STS: variants seen among roughly 807,000 people sequenced by gnomAD.
STS encodes steryl-sulfatase.
STS carries 7 observed loss-of-function variants against 26.8 expected under a neutral mutation model. The ratio of observed to expected loss-of-function variants is 0.26; its 90% CI spans 0.15 to 0.49. The LOEUF is 0.49. STS is among the 20% of genes least tolerant of loss of function. The pLI, the probability that STS is intolerant of heterozygous loss-of-function variation, is 0.98. For missense variants in STS, 434 were observed against 465.6 expected, an observed-to-expected ratio of 0.93 and a Z score of 0.63; for synonymous variants, 199 against 189.4, an observed-to-expected ratio of 1.05 and a Z score of -0.42.
chrX:7,346,920 A>T (rs997408509), intron 10 of STS, among the ~76,000 whole-genome samples: 6 of 109,076 alleles, frequency 5.5e-5, no homozygotes, highest in African/African-American at 2.0e-4. Context: ...AATTTAAAAT[A>T]TAGCTGGGCC....
chrX:7,203,750 C>T (rs1262645095), intron 2 of STS, among the ~76,000 whole-genome samples: 5 of 110,145 alleles, frequency 4.5e-5, no homozygotes, highest in Middle Eastern at 4.3e-3. Context: ...CAAACATATG[C>T]ATATGAAACA....
Position 7,171,168 on chromosome X carries a change from A to G in STS, c.-133-19712A>G, listed in dbSNP as rs141104286. Reference sequence around the variant, plus strand: ...CTCTCTGCTCAAAGCATAAAAATCTATAGGGGCAGTTCGGCCTCCTGGGGC... The same window carrying G: ...CTCTCTGCTCAAAGCATAAAAATCTGTAGGGGCAGTTCGGCCTCCTGGGGC... On this transcript the variant is annotated intron_variant, in intron 1 of 10. Coordinates refer to ENST00000674429, the MANE Select transcript of STS (RefSeq NM_001320752.2). 6.7e-3 allele frequency among the ~76,000 whole-genome samples: 752 copies of G among 111,767 alleles called. 6 individuals carry two copies. Among genetic ancestry groups the G allele is most frequent in the African/African-American group, 0.023 (720 of 30,806 alleles).
intron 8 of STS, among the ~76,000 whole-genome samples, chrX:7,317,193 T>G (rs1187133232): frequency 8.9e-6 from 1 of 111,736 alleles, no homozygotes; most frequent in Non-Finnish European, 1.9e-5. Context: ...AAACTGTGAA[T>G]TGGACAATTA....
At chrX:7,324,290 AG>A (rs1927254847) in intron 8 of STS, among the ~76,000 whole-genome samples, 1 of 110,571 alleles carries the variant, frequency 9.0e-6, no homozygotes, top group Non-Finnish European at 1.9e-5. Flanking sequence ...GGTTAAAATA[AG>A]GGGGTTGTGG....
At chrX:7,249,488 C>T (rs1342115768) in intron 2 of STS, among the ~76,000 whole-genome samples, 1 of 111,467 alleles carries the variant, frequency 9.0e-6, no homozygotes, top group Non-Finnish European at 1.9e-5. Flanking sequence ...GTTGTGAGGT[C>T]CTTTAGACAG....
At chrX:7,260,096 C>T (rs1209645862) in intron 6 of STS, among the ~76,000 whole-genome samples, 6 of 111,970 alleles carry the variant, frequency 5.4e-5, no homozygotes, top group Non-Finnish European at 1.1e-4. Context: ...AGGATGGTCT[C>T]GATCTCTTGA....
intron 7 of STS, among the ~76,000 whole-genome samples, chrX:7,295,366 A>C (rs2147128048): frequency 9.0e-6 from 1 of 111,168 alleles, no homozygotes; most frequent in African/African-American, 3.3e-5. Flanking sequence ...ATATATTTAG[A>C]GTAGTGAGCA....
chrX:7,343,208 A>G (rs1601763775), intron 10 of STS, among the ~76,000 whole-genome samples: 2 of 111,846 alleles, frequency 1.8e-5, no homozygotes, highest in Admixed American at 9.5e-5. Flanking sequence ...CGCCAAAACT[A>G]CCAGTTGAAC....
In STS at chrX:7,325,494, G is replaced by T. The variant is rs749678219; in HGVS notation, c.1237G>T (p.Asp413Tyr). 8.3e-7 allele frequency: 1 copy of T among 1,210,988 alleles called. No homozygotes were observed. Among genetic ancestry groups the T allele is most frequent in the Non-Finnish European group, 1.1e-6 (1 of 895,297 alleles). ...GCTGGCTGGAGCTCCCTTGCCTGAG[G>T]ACAGGTACTCTGATGCCAGGGTGGT... ...AKLAGAPLPE[D>Y]RIIDGRDLMP... The change falls in exon 9 of 11, where the codon GAC becomes TAC. Residue 413 changes from aspartate (D) to tyrosine (Y), a missense_variant. Asp to Tyr is a radical substitution (Grantham distance 160). Transcript: ENST00000674429.
intron 10 of STS, among the ~76,000 whole-genome samples, chrX:7,337,791 C>A (rs141784729): frequency 9.0e-6 from 1 of 111,345 alleles, no homozygotes; most frequent in Non-Finnish European, 1.9e-5. Flanking sequence ...CCCTCAGAGC[C>A]CTAGATTAAC....
chrX:7,350,140 T>C lies in STS; in HGVS notation c.1616T>C (p.Val539Ala). 8.3e-7 allele frequency: 1 copy of C among 1,211,609 alleles called. No homozygotes were observed. The highest frequency in any genetic ancestry group is 2.2e-5 in the Admixed American group (1 of 46,046). The change falls in exon 11 of 11, where the codon GTG becomes GCG. Residue 539 changes from valine to alanine, a missense_variant. Val to Ala is a moderately conservative substitution (Grantham distance 64). Transcript: ENST00000674429. ...ADRHTQTLPE[V>A]PDQFSWNNFL... ...AGACACACCCAGACCCTGCCAGAGG[T>C]GCCCGATCAGTTTTCATGGAACAAC...
At chrX:7,312,705 G>A (rs1347030853) in intron 8 of STS, among the ~76,000 whole-genome samples, 1 of 111,337 alleles carries the variant, frequency 9.0e-6, no homozygotes, top group Non-Finnish European at 1.9e-5. Flanking sequence ...ACATGCCTTT[G>A]CTTCTCCCTC....
chrX:7,254,819 G>A (rs1286045599), intron 3 of STS, among the ~76,000 whole-genome samples: 2 of 110,045 alleles, frequency 1.8e-5, no homozygotes, highest in East Asian at 2.9e-4. Context: ...TCCTGACCTC[G>A]TGATCCACCT....
intron 2 of STS, among the ~76,000 whole-genome samples, chrX:7,207,561 A>T (rs761156864): frequency 3.6e-5 from 4 of 111,893 alleles, no homozygotes; most frequent in Non-Finnish European, 5.6e-5. Context: ...ATGTCATAAA[A>T]GGGTCTTTTA....
chrX:7,275,827 A>T, intron 6 of STS, 124 bp from the exon 7 acceptor site: 2 of 836,581 alleles, frequency 2.4e-6, no homozygotes, highest in Non-Finnish European at 3.4e-6. Context: ...TTAACTTGTA[A>T]TATTTTGTGA....
chrX:7,215,984 AC>A (rs1456301978), intron 2 of STS, among the ~76,000 whole-genome samples: 1 of 111,969 alleles, frequency 8.9e-6, no homozygotes, highest in African/African-American at 3.2e-5. Flanking sequence ...CAGGGAAATG[AC>A]AGCCTATTCA....
chrX:7,310,004 T>G (rs1256933029), intron 8 of STS, among the ~76,000 whole-genome samples: 2 of 112,109 alleles, frequency 1.8e-5, no homozygotes, highest in Non-Finnish European at 3.8e-5. Context: ...AAAATAAATT[T>G]TCTTCTATTG....
At chrX:7,319,611 G>A (rs1418262478) in intron 8 of STS, among the ~76,000 whole-genome samples, 1 of 109,996 alleles carries the variant, frequency 9.1e-6, no homozygotes, top group Non-Finnish European at 1.9e-5. Context: ...ATCAACTCCT[G>A]GGAGGGTACG....
intron 7 of STS, among the ~76,000 whole-genome samples, chrX:7,286,489 G>C (rs1925139765): frequency 9.0e-6 from 1 of 110,575 alleles, no homozygotes; most frequent in Admixed American, 9.8e-5. Flanking sequence ...CTGGTATTAA[G>C]CCTCTGCTGC....
Sources: allele counts gnomAD v4.1 joint callset (sites outside exome capture counted in the v4.1 genomes callset), GRCh38; gene constraint gnomAD v4.1.1; transcripts MANE v1.5; gene names NCBI Gene and HGNC (gene_info 2026-07-23, HGNC 2026-07-21).